The following FBXL7 variants were observed in gnomAD, a reference collection of about 807,000 sequenced individuals.
FBXL7 encodes the protein F-box/LRR-repeat protein 7.
In FBXL7, 12 loss-of-function variants were observed where a neutral mutation model predicts 38.3. That is an observed-to-expected ratio of 0.31 (90% CI 0.20 to 0.51). FBXL7 has a LOEUF of 0.51. Among genes scored for constraint, FBXL7 ranks in the 20% least tolerant of loss-of-function variants. The pLI is 0.98. For missense variants in FBXL7, 567 were observed against 676.4 expected, an observed-to-expected ratio of 0.84 and a Z score of 1.79; for synonymous variants, 297 against 300.9, an observed-to-expected ratio of 0.99 and a Z score of 0.13.
Position 15,878,215 on chromosome 5 carries a change from G to A in FBXL7, c.128-49675G>A, listed in dbSNP as rs531372775. Among the ~76,000 whole-genome samples, 245 of 152,316 alleles carry A rather than the reference G, an allele frequency of 1.6e-3. 1 individual carries two copies. Among genetic ancestry groups the A allele is most frequent in the Middle Eastern group, 0.014 (4 of 294 alleles). ...AAGAACACTGCAGAAGTTGCGGGGA[G>A]TCAGGGATTATAGAGGACTGAAGTT... On this transcript the variant is annotated intron_variant, in intron 2 of 3. Coordinates refer to ENST00000504595, the MANE Select transcript of FBXL7 (RefSeq NM_012304.5).
chr5:15,539,185 C>T (rs1331349008), intron 1 of FBXL7, among the ~76,000 whole-genome samples: 1 of 152,084 alleles, frequency 6.6e-6, no homozygotes, highest in Non-Finnish European at 1.5e-5. Context: ...GCAACAGTAC[C>T]ATCTCATTAT....
intron 2 of FBXL7, among the ~76,000 whole-genome samples, chr5:15,630,625 T>C (rs1265701289): frequency 1.3e-5 from 2 of 152,184 alleles, no homozygotes; most frequent in African/African-American, 4.8e-5. Context: ...GATTATCTTT[T>C]GCAAGTGATA....
chr5:15,649,678 A>G (rs1367423632), intron 2 of FBXL7, among the ~76,000 whole-genome samples: 1 of 150,446 alleles, frequency 6.6e-6, no homozygotes, highest in African/African-American at 2.5e-5. Flanking sequence ...TGATCTGCAA[A>G]TCTTTAAATC....
At chr5:15,743,194 C>G (rs1735935036) in intron 2 of FBXL7, among the ~76,000 whole-genome samples, 1 of 152,116 alleles carries the variant, frequency 6.6e-6, no homozygotes, top group Non-Finnish European at 1.5e-5. Context: ...TTAACTCATT[C>G]CAGTATTAAC....
intron 2 of FBXL7, among the ~76,000 whole-genome samples, chr5:15,636,650 T>A (rs193038481): frequency 6.6e-5 from 10 of 151,926 alleles, no homozygotes; most frequent in African/African-American, 2.4e-4. Flanking sequence ...TTTATGTTTA[T>A]TCCTCTATCA....
intron 2 of FBXL7, among the ~76,000 whole-genome samples, chr5:15,836,307 G>A (rs1015010390): frequency 3.3e-5 from 5 of 152,120 alleles, no homozygotes; most frequent in South Asian, 2.1e-4. Context: ...GGGCTCTAAC[G>A]AAGGAAGACG....
intron 2 of FBXL7, among the ~76,000 whole-genome samples, chr5:15,625,857 G>A (rs1740798340): frequency 1.3e-5 from 2 of 152,086 alleles, no homozygotes; most frequent in African/African-American, 4.8e-5. Flanking sequence ...CAAAAAAGTA[G>A]AGTAAAAACA....
At chr5:15,732,455 T>C (rs1339090126) in intron 2 of FBXL7, among the ~76,000 whole-genome samples, 1 of 152,228 alleles carries the variant, frequency 6.6e-6, no homozygotes, top group Admixed American at 6.5e-5. Context: ...GTGTTCTTTT[T>C]TTTCCCTCTC....
intron 2 of FBXL7, among the ~76,000 whole-genome samples, chr5:15,913,199 A>C (rs932151755): frequency 1.3e-5 from 2 of 151,806 alleles, no homozygotes; most frequent in African/African-American, 4.8e-5. Flanking sequence ...ATGTTAAAAG[A>C]AATTGTTGTA....
chr5:15,603,706 AG>A (rs1254751911), intron 1 of FBXL7, among the ~76,000 whole-genome samples: 1 of 152,226 alleles, frequency 6.6e-6, no homozygotes, highest in African/African-American at 2.4e-5. Flanking sequence ...AGAAAGTACC[AG>A]TTAGGACATT....
At chr5:15,913,421 G>A (rs1439302606) in intron 2 of FBXL7, among the ~76,000 whole-genome samples, 1 of 152,190 alleles carries the variant, frequency 6.6e-6, no homozygotes, top group Non-Finnish European at 1.5e-5. Flanking sequence ...ACTATGCTAT[G>A]AAAGTGTTCT....
Position 15,928,107 on chromosome 5 carries a change from C to A in FBXL7, c.345C>A (p.Asp115Glu), listed in dbSNP as rs1417650095. ...CCCAGAAGGAGCAGGCCAGCATAGA[C>A]CGGCTCCCGGACCACTCCATGGTGC... ...SRPQKEQASI[D>E]RLPDHSMVQI... is the part of the protein sequence containing the mutation. Residue 115 changes from aspartate (D) to glutamate (E), a missense_variant, in exon 3 of 4, where the codon GAC (aspartate) becomes GAA (glutamate). Asp to Glu is a conservative substitution (Grantham distance 45, BLOSUM62 2). Coordinates refer to ENST00000504595, the MANE Select transcript of FBXL7 (RefSeq NM_012304.5). This position sits in a 1 kb window ranked among gnomAD's most constrained non-coding sequence, Gnocchi z 4.0. 5 of 1,612,004 alleles carry A rather than the reference C, an allele frequency of 3.1e-6. No individual in the cohort carries two copies. Among genetic ancestry groups the A allele is most frequent in the South Asian group, 2.2e-5 (2 of 90,912 alleles).
chr5:15,542,187 GT>G (rs200102721), intron 1 of FBXL7, among the ~76,000 whole-genome samples: 75 of 149,390 alleles, frequency 5.0e-4, no homozygotes, highest in Admixed American at 1.9e-3. Context: ...GTCACTGAAA[GT>G]TTTTTTTTTA....
At chr5:15,616,102 T>C (rs1383216293) in intron 2 of FBXL7, 30 bp downstream of exon 2, 1 of 1,494,798 alleles carries the variant, frequency 6.7e-7, no homozygotes, top group Non-Finnish European at 9.3e-7. Flanking sequence ...TATCTCTCTT[T>C]CTTCTTCACA....
In FBXL7 at chr5:15,936,357, T is replaced by C. The variant is rs899246148; in HGVS notation, c.740-93T>C. On this transcript the variant is annotated intron_variant, in intron 3 of 3. Coordinates refer to ENST00000504595, the MANE Select transcript of FBXL7 (RefSeq NM_012304.5). The surrounding 1 kb of genome is among the most constrained non-coding windows in gnomAD (Gnocchi z 6.0). Reference sequence around the variant, plus strand: ...GGTAACATCAGCCTCGGACCCAGACTTGGGCGAGGGTCAGGAATGCCCCAG... The same window carrying C: ...GGTAACATCAGCCTCGGACCCAGACCTGGGCGAGGGTCAGGAATGCCCCAG... 1 of 1,470,910 alleles carries C rather than the reference T, an allele frequency of 6.8e-7. No individual in the cohort carries two copies. The highest frequency in any genetic ancestry group is 1.4e-5 in the African/African-American group (1 of 71,964). 91.1% of individuals were successfully genotyped at this position (1,470,910 alleles called of 1,614,324 possible). A position where few individuals can be genotyped will look rare whatever the true frequency, so the allele number is the denominator to read the frequency against.
At chr5:15,794,539 G>A (rs566713412) in intron 2 of FBXL7, among the ~76,000 whole-genome samples, 35 of 152,308 alleles carry the variant, frequency 2.3e-4, no homozygotes, top group African/African-American at 7.5e-4. Context: ...CTTAAGATGA[G>A]TAAATAAAAC....
intron 3 of FBXL7, among the ~76,000 whole-genome samples, chr5:15,931,184 C>T (rs1162870271): frequency 1.3e-5 from 2 of 152,176 alleles, no homozygotes; most frequent in Non-Finnish European, 1.5e-5. Context: ...CATTAAACAT[C>T]ATTGCACTAT....
In FBXL7 at chr5:15,668,384, G is replaced by A. The variant is rs970411520; in HGVS notation, c.127+52312G>A. The stretch of plus-strand genomic sequence containing the variant: ...TATTTGTGTTTGTGTGTGTGTGTGT[G>A]TGTGTGTGTGTGTGTGTGTGTGTGT... On this transcript the variant is annotated intron_variant, in intron 2 of 3. Transcript: ENST00000504595. Among the ~76,000 whole-genome samples, 23 of 151,408 alleles carry A rather than the reference G, an allele frequency of 1.5e-4. 1 individual carries two copies. Among genetic ancestry groups the A allele is most frequent in the African/African-American group, 4.9e-4 (20 of 41,166 alleles).
intron 2 of FBXL7, among the ~76,000 whole-genome samples, chr5:15,842,429 T>C (rs1368461122): frequency 6.6e-6 from 1 of 152,200 alleles, no homozygotes; most frequent in Non-Finnish European, 1.5e-5. Flanking sequence ...ATTTACAGGC[T>C]CATAGGTGGA....
Sources: allele counts gnomAD v4.1 joint callset (sites outside exome capture counted in the v4.1 genomes callset), GRCh38; gene constraint gnomAD v4.1.1; non-coding constraint Gnocchi (gnomAD v3.1); transcripts MANE v1.5; gene names NCBI Gene and HGNC (gene_info 2026-07-23, HGNC 2026-07-21).